LAMA2: variants seen among roughly 807,000 people sequenced by gnomAD.
LAMA2 encodes the protein laminin subunit alpha-2.
LAMA2 carries 269 observed loss-of-function variants against 364.8 expected under a neutral mutation model. The observed-to-expected ratio is 0.74, with a 90% CI of 0.67 to 0.82. LAMA2 has a LOEUF of 0.82. Among genes scored for constraint, LAMA2 ranks in the 40% least tolerant of loss-of-function variants. LAMA2 has a pLI of 0.00. For missense variants in LAMA2, 3,807 were observed against 3,873.2 expected, an observed-to-expected ratio of 0.98 and a Z score of 0.45; for synonymous variants, 1,379 against 1,370.6, an observed-to-expected ratio of 1.01 and a Z score of -0.14.
intron 37 of LAMA2, among the ~76,000 whole-genome samples, chr6:129,400,030 A>C (rs1031502009): frequency 6.6e-6 from 1 of 152,202 alleles, no homozygotes; most frequent in African/African-American, 2.4e-5. Flanking sequence ...TATGCAATCA[A>C]AACTTATTTC....
chr6:129,484,233 G>T (rs1425469202), intron 55 of LAMA2, among the ~76,000 whole-genome samples: 2 of 152,196 alleles, frequency 1.3e-5, no homozygotes, highest in Admixed American at 1.3e-4. Flanking sequence ...GTTTATAATG[G>T]GATATCGAAA....
At chr6:129,491,811 G>C (rs577953130) in intron 56 of LAMA2, 90 bp from the exon 57 acceptor site, 2 of 1,055,034 alleles carry the variant, frequency 1.9e-6, no homozygotes, top group African/African-American at 3.2e-5. Context: ...CTATGGTTGA[G>C]AGGGGTGAAG....
chr6:129,165,276 T>C (rs1367684477), intron 8 of LAMA2, among the ~76,000 whole-genome samples: 1 of 152,018 alleles, frequency 6.6e-6, no homozygotes, highest in Non-Finnish European at 1.5e-5. Flanking sequence ...TAAACTAGCT[T>C]TGTTGATATA....
At chr6:128,886,565 T>C (rs1329247368) in intron 1 of LAMA2, among the ~76,000 whole-genome samples, 1 of 152,124 alleles carries the variant, frequency 6.6e-6, no homozygotes, top group Non-Finnish European at 1.5e-5. Flanking sequence ...GTTAAGAGTC[T>C]GAGAAGATTT....
chr6:129,077,221 T>C (rs1239164126), intron 3 of LAMA2, among the ~76,000 whole-genome samples: 1 of 152,158 alleles, frequency 6.6e-6, no homozygotes, highest in Non-Finnish European at 1.5e-5. Flanking sequence ...TCTCAAATGA[T>C]AAGATTTTCC....
At chr6:128,932,663 G>T (rs971664836) in intron 1 of LAMA2, among the ~76,000 whole-genome samples, 1 of 152,070 alleles carries the variant, frequency 6.6e-6, no homozygotes, top group Non-Finnish European at 1.5e-5. Flanking sequence ...TCTAGTCCTG[G>T]AGTTAAGATT....
intron 12 of LAMA2, among the ~76,000 whole-genome samples, chr6:129,244,344 C>G (rs1785595628): frequency 6.6e-6 from 1 of 152,054 alleles, no homozygotes; most frequent in Admixed American, 6.6e-5. Context: ...CAAATAGATG[C>G]ATGAATAAAC....
At chr6:129,314,123 G>A (rs184800703) in intron 23 of LAMA2, among the ~76,000 whole-genome samples, 69 of 152,226 alleles carry the variant, frequency 4.5e-4, no homozygotes, top group African/African-American at 1.3e-3. Context: ...TGTACAGGCC[G>A]GGCGTGGTGG....
At chr6:129,322,775 A>C (rs1182765112) in intron 28 of LAMA2, among the ~76,000 whole-genome samples, 2 of 152,182 alleles carry the variant, frequency 1.3e-5, no homozygotes, top group Non-Finnish European at 2.9e-5. Flanking sequence ...TCATGCAACC[A>C]ACCTTCCATT....
At chr6:129,061,356 A>C (rs571740587) in intron 3 of LAMA2, among the ~76,000 whole-genome samples, 38 of 152,282 alleles carry the variant, frequency 2.5e-4, no homozygotes, top group Admixed American at 1.1e-3. Context: ...TGCACATAGA[A>C]CAATGGGGTC....
intron 17 of LAMA2, among the ~76,000 whole-genome samples, chr6:129,279,082 A>G (rs1442353856): frequency 6.6e-6 from 1 of 152,176 alleles, no homozygotes; most frequent in African/African-American, 2.4e-5. Flanking sequence ...TTGCCCTGTC[A>G]TATATAATAG....
At chr6:129,110,109 C>CA (rs3061201) in intron 4 of LAMA2, among the ~76,000 whole-genome samples, 198 of 142,756 alleles carry the variant, frequency 1.4e-3, no homozygotes, top group African/African-American at 2.4e-3. Flanking sequence ...CACCTTATTG[C>CA]AAAAAAAAAA....
chr6:129,256,744 T>A lies in LAMA2; in HGVS notation c.2097-3967T>A, dbSNP rs547380131. Among the ~76,000 whole-genome samples the A allele has an allele frequency of 2.1e-4, 26 of 124,726 alleles. No homozygotes were observed. The South Asian group carries it at 6.9e-3, about 33-fold the overall frequency. The allele number at this position is 124,726 out of a possible 152,430, so 81.8% of individuals were successfully genotyped here. On this transcript the variant is annotated intron_variant, in intron 14 of 64. Coordinates refer to ENST00000421865, the MANE Select transcript of LAMA2 (RefSeq NM_000426.4). Reference sequence around the variant, plus strand: ...AAGAAAATATCTTGCTATATATATATAAAAAACAAATTATATAGCATATAT... The same window carrying A: ...AAGAAAATATCTTGCTATATATATAAAAAAAACAAATTATATAGCATATAT...
intron 64 of LAMA2, 108 bp downstream of exon 64, chr6:129,514,703 T>C: frequency 2.2e-6 from 2 of 894,052 alleles, no homozygotes; most frequent in Non-Finnish European, 3.6e-6. Context: ...GTGTACTTGC[T>C]TCCTAGCTTT....
chr6:128,902,217 A>G (rs893416521), intron 1 of LAMA2, among the ~76,000 whole-genome samples: 9 of 152,230 alleles, frequency 5.9e-5, no homozygotes, highest in Non-Finnish European at 1.0e-4. Context: ...AATTTGGATT[A>G]CAATTCAAGA....
chr6:129,397,876 G>A (rs1436552847), intron 37 of LAMA2, among the ~76,000 whole-genome samples: 3 of 148,104 alleles, frequency 2.0e-5, no homozygotes, highest in Non-Finnish European at 4.4e-5. Context: ...GGCAGAGCTT[G>A]CAGTGAGCCA....
chr6:129,496,052 A>C (rs1397972381), intron 58 of LAMA2, among the ~76,000 whole-genome samples: 1 of 152,214 alleles, frequency 6.6e-6, no homozygotes, highest in African/African-American at 2.4e-5. Flanking sequence ...ATGAGGAAAG[A>C]AAGCCCTCAA....
chr6:129,035,158 CT>C (rs1184976495), intron 1 of LAMA2, among the ~76,000 whole-genome samples: 1 of 152,030 alleles, frequency 6.6e-6, no homozygotes, highest in Admixed American at 6.6e-5. Flanking sequence ...TATTTTTTGA[CT>C]TTTTAATACT....
chr6:129,142,326 G>A lies in LAMA2; in HGVS notation c.640-1575G>A, dbSNP rs139066846. Among the ~76,000 whole-genome samples, 295 of 152,096 alleles carry A rather than the reference G, an allele frequency of 1.9e-3. 2 individuals carry two copies. The highest frequency in any genetic ancestry group is 6.9e-3 in the African/African-American group (287 of 41,508). ...GGTGTCCGCATGGTTATGCTTTGGTGAGGACTGTTTCGGGGCTTGCAGACT... is the reference window on the plus strand; with the variant it reads ...GGTGTCCGCATGGTTATGCTTTGGTAAGGACTGTTTCGGGGCTTGCAGACT... On this transcript the variant is annotated intron_variant, in intron 4 of 64. Transcript: ENST00000421865.
Sources: gnomAD v4.1 joint callset for allele counts (sites outside exome capture counted in the v4.1 genomes callset) on GRCh38, gnomAD v4.1.1 for gene constraint, MANE v1.5 for transcripts, NCBI Gene and HGNC (gene_info 2026-07-23, HGNC 2026-07-21) for gene names.